Variants in SV2B observed in about 807,000 individuals in gnomAD.
The protein encoded by SV2B is solute carrier family 22 member B2.
SV2B carries 41 observed loss-of-function variants against 73.9 expected under a neutral mutation model. The observed-to-expected ratio is 0.56, with a 90% confidence interval of 0.43 to 0.72. The LOEUF is 0.72. SV2B is among the 30% of genes least tolerant of loss of function. The pLI is 0.00. For missense variants in SV2B, 764 were observed against 857.8 expected (o/e 0.89, Z 1.37); for synonymous variants, 314 against 314.2 (o/e 1.00, Z 0.01).
chr15:91,126,152 A>G (rs1032928767), intron 1 of SV2B, among the ~76,000 whole-genome samples: 1 of 152,222 alleles, frequency 6.6e-6, no homozygotes, highest in African/African-American at 2.4e-5. Context: ...TAAGAAAGAC[A>G]GCATCTAGCT....
rs1026152889 is a variant in SV2B, at chr15:91,281,465, C to A, written c.1374-263C>A. The stretch of plus-strand genomic sequence containing the variant: ...TTTCTGTGATTCTGACTTAGAAGGT[C>A]CGTGGACCTGCCTTTGAAAACCAGC... On this transcript the variant is annotated intron_variant, in intron 9 of 12. Transcript: ENST00000394232. This position sits in a 1 kb window ranked among gnomAD's most constrained non-coding sequence, Gnocchi z 4.7. Among the ~76,000 whole-genome samples the A allele has an allele frequency of 6.6e-6, 1 of 152,146 alleles. No individual in the cohort carries two copies. The highest frequency in any genetic ancestry group is 1.5e-5 in the Non-Finnish European group (1 of 68,034).
chr15:91,204,179 T>C (rs2045557499), intron 1 of SV2B, among the ~76,000 whole-genome samples: 1 of 152,200 alleles, frequency 6.6e-6, no homozygotes, highest in Admixed American at 6.5e-5. Flanking sequence ...CCCTGCTATG[T>C]CCACCCGGTT....
Position 91,130,036 on chromosome 15 carries a change from A to G in SV2B, c.-392+29673A>G, listed in dbSNP as rs2042594914. ...TGGATAAATTGGGAAGAGAGGGACGACAGGCCTGGGGCCACGTGGGCAGCT... is the reference window on the plus strand; with the variant it reads ...TGGATAAATTGGGAAGAGAGGGACGGCAGGCCTGGGGCCACGTGGGCAGCT... On this transcript the variant is annotated intron_variant, in intron 1 of 12. Coordinates refer to ENST00000394232, the MANE Select transcript of SV2B (RefSeq NM_001323032.3). The surrounding 1 kb of genome is among the most constrained non-coding windows in gnomAD (Gnocchi z 5.6). 6.6e-6 allele frequency among the ~76,000 whole-genome samples: 1 copy of G among 152,200 alleles called. No individual in the cohort carries two copies. Among genetic ancestry groups the G allele is most frequent in the Admixed American group, 6.5e-5 (1 of 15,278 alleles).
chr15:91,207,530 G>A (rs985767103), intron 1 of SV2B, among the ~76,000 whole-genome samples: 2 of 151,648 alleles, frequency 1.3e-5, no homozygotes, highest in African/African-American at 2.4e-5. Flanking sequence ...TCAATTTATC[G>A]GGGGCAATAT....
rs1263923621 is a variant in SV2B at position 91,110,881 on chromosome 15, A to G, written c.-392+10518A>G. On this transcript the variant is annotated intron_variant, in intron 1 of 12. Transcript: ENST00000394232. The surrounding 1 kb of genome is among the most constrained non-coding windows in gnomAD (Gnocchi z 5.4). The stretch of plus-strand genomic sequence containing the variant: ...AGCAAAGCATAAACATGAAGCTTTA[A>G]GGAAAGGAAAGCTATAGGGTAGCAA... Among the ~76,000 whole-genome samples the G allele has an allele frequency of 6.6e-6, 1 of 152,218 alleles. No homozygotes were observed. The highest frequency in any genetic ancestry group is 1.5e-5 in the Non-Finnish European group (1 of 68,030).
At position 91,281,994 on chromosome 15, in the gene SV2B, G is replaced by C. The variant is rs2048697495; in HGVS notation, c.1507+133G>C. The stretch of plus-strand genomic sequence containing the variant: ...AGATACAAATGCCAAGCCTTGGTGG[G>C]GAAATGGATTTTAGCCCCAGGCATG... On this transcript the variant is annotated intron_variant, in intron 10 of 12. Transcript: ENST00000394232. This position sits in a 1 kb window ranked among gnomAD's most constrained non-coding sequence, Gnocchi z 4.7. 4.4e-6 allele frequency: 5 copies of C among 1,133,804 alleles called. 1 individual carries two copies. The East Asian group carries it at 1.3e-4, about 30-fold the overall frequency. 70.2% of individuals were successfully genotyped at this position (1,133,804 alleles called of 1,614,324 possible).
At chr15:91,152,320 G>C (rs996845688) in intron 1 of SV2B, among the ~76,000 whole-genome samples, 1 of 152,182 alleles carries the variant, frequency 6.6e-6, no homozygotes, top group Non-Finnish European at 1.5e-5. Context: ...GGTTAATGGT[G>C]TTTGGAGGAG....
At position 91,140,558 on chromosome 15, in the gene SV2B, G is replaced by T. The variant is rs1389165390; in HGVS notation, c.-392+40195G>T. Among the ~76,000 whole-genome samples, 1 of 152,070 alleles carries T rather than the reference G, an allele frequency of 6.6e-6. No homozygotes were observed. Among genetic ancestry groups the T allele is most frequent in the Non-Finnish European group, 1.5e-5 (1 of 68,018 alleles). On this transcript the variant is annotated intron_variant, in intron 1 of 12. Transcript: ENST00000394232. The surrounding 1 kb of genome is among the most constrained non-coding windows in gnomAD (Gnocchi z 4.4). ...TAGTTAGCACTAGCTCATTCATTAG[G>T]TCTGCTTCCATTTAACCCGAGGCCT...
intron 1 of SV2B, among the ~76,000 whole-genome samples, chr15:91,201,722 A>T (rs1196445289): frequency 6.6e-6 from 1 of 152,130 alleles, no homozygotes; most frequent in Non-Finnish European, 1.5e-5. Flanking sequence ...TGTTGCTATC[A>T]CATCTTTTAT....
In SV2B at chr15:91,281,815, C is replaced by T. The variant is rs746590845; in HGVS notation, c.1461C>T (p.Thr487=). Residue 487 remains threonine (T), a synonymous_variant, in exon 10 of 13, where the codon ACC becomes ACT. Transcript: ENST00000394232. This position sits in a 1 kb window ranked among gnomAD's most constrained non-coding sequence, Gnocchi z 4.7. ...CYFEDVTSTD[T]YFKNCTIEST... is the part of the protein sequence containing the mutation. The stretch of plus-strand genomic sequence containing the variant: ...TTGAAGACGTAACATCAACAGATAC[C>T]TACTTCAAAAATTGTACCATTGAAT... 1 of 1,612,924 alleles carries T rather than the reference C, an allele frequency of 6.2e-7. No individual in the cohort carries two copies. Among genetic ancestry groups the T allele is most frequent in the African/African-American group, 1.3e-5 (1 of 74,848 alleles).
At chr15:91,180,919 T>G (rs2044527900) in intron 1 of SV2B, among the ~76,000 whole-genome samples, 1 of 152,262 alleles carries the variant, frequency 6.6e-6, no homozygotes, top group African/African-American at 2.4e-5. Flanking sequence ...TGTCCAGCTT[T>G]GTTCCGTTGC....
chr15:91,162,101 C>T (rs2043741108), intron 1 of SV2B, among the ~76,000 whole-genome samples: 1 of 152,112 alleles, frequency 6.6e-6, no homozygotes, highest in Admixed American at 6.6e-5. Flanking sequence ...TCTGATAATA[C>T]ATGCTATGAA....
chr15:91,185,454 C>T (rs555672426), intron 1 of SV2B, among the ~76,000 whole-genome samples: 2 of 152,150 alleles, frequency 1.3e-5, no homozygotes, highest in Admixed American at 1.3e-4. Flanking sequence ...GTAAGGTATC[C>T]CGCTGTCTCC....
rs751540990 is a variant in SV2B at position 91,261,869 on chromosome 15, A to G, written c.1008+1460A>G. On this transcript the variant is annotated intron_variant, in intron 6 of 12. Coordinates refer to ENST00000394232, the MANE Select transcript of SV2B (RefSeq NM_001323032.3). The surrounding 1 kb of genome is among the most constrained non-coding windows in gnomAD (Gnocchi z 4.7). ...CAGAGACGCTGTCTTCCTGCCTGCC[A>G]TGCTCTGACAAACCAGGAGGCTATA... 1.3e-5 allele frequency among the ~76,000 whole-genome samples: 2 copies of G among 152,198 alleles called. No homozygotes were observed. The highest frequency in any genetic ancestry group is 2.4e-5 in the African/African-American group (1 of 41,442).
At chr15:91,116,125 A>T (rs754685571) in intron 1 of SV2B, among the ~76,000 whole-genome samples, 2 of 152,230 alleles carry the variant, frequency 1.3e-5, no homozygotes, top group African/African-American at 2.4e-5. Flanking sequence ...TTGAATCACA[A>T]TTATGAAGAA....
Position 91,139,589 on chromosome 15 carries a change from C to A in SV2B, c.-392+39226C>A, listed in dbSNP as rs1004291784. ...CTAAGGGCACTAAGTTAAGCTGCAA[C>A]CCCAGCTAAGGTGATCCCAGGTCTA... is the stretch of plus-strand genomic sequence containing the variant. On this transcript the variant is annotated intron_variant, in intron 1 of 12. Coordinates refer to ENST00000394232, the MANE Select transcript of SV2B (RefSeq NM_001323032.3). The surrounding 1 kb of genome is among the most constrained non-coding windows in gnomAD (Gnocchi z 5.2). 2.6e-5 allele frequency among the ~76,000 whole-genome samples: 4 copies of A among 152,118 alleles called. No individual in the cohort carries two copies. The highest frequency in any genetic ancestry group is 1.9e-4 in the East Asian group (1 of 5,198).
At chr15:91,249,883 A>G (rs201107748) in intron 2 of SV2B, among the ~76,000 whole-genome samples, 16,497 of 152,220 alleles carry the variant, frequency 0.11, 893 homozygotes, top group Non-Finnish European at 0.12. Context: ...AAACCTCTCG[A>G]CGAAGAAAAG....
intron 2 of SV2B, among the ~76,000 whole-genome samples, chr15:91,247,475 C>CA (rs1454220250): frequency 6.6e-6 from 1 of 152,102 alleles, no homozygotes; most frequent in African/African-American, 2.4e-5. Flanking sequence ...ACTGAGGTAG[C>CA]AAATGCAGGG....
chr15:91,160,886 T>C (rs2043690941), intron 1 of SV2B, among the ~76,000 whole-genome samples: 1 of 151,980 alleles, frequency 6.6e-6, no homozygotes, highest in South Asian at 2.1e-4. Flanking sequence ...CATCAAAGAG[T>C]AGCCAAAGCT....
Sources: allele counts gnomAD v4.1 joint callset (sites outside exome capture counted in the v4.1 genomes callset), GRCh38; gene constraint gnomAD v4.1.1; non-coding constraint Gnocchi (gnomAD v3.1); transcripts MANE v1.5; gene names NCBI Gene and HGNC (gene_info 2026-07-23, HGNC 2026-07-21).